PTPRN2: variants seen among roughly 807,000 people sequenced by gnomAD.
PTPRN2 encodes receptor-type tyrosine-protein phosphatase N2.
Under a neutral mutation model 118.8 loss-of-function variants are expected in PTPRN2, and 74 were observed. The ratio of observed to expected loss-of-function variants is 0.62; its 90% CI spans 0.52 to 0.76. PTPRN2 has a LOEUF of 0.76. PTPRN2 is among the 30% of genes least tolerant of loss of function. The pLI, the probability that PTPRN2 is intolerant of heterozygous loss-of-function variation, is 0.00. For synonymous variants in PTPRN2, 641 were observed against 608.0 expected (o/e 1.05, Z -0.80); for missense variants, 1,481 against 1,394.4 (o/e 1.06, Z -0.99).
At chr7:158,301,325 C>T (rs1430771115) in intron 3 of PTPRN2, among the ~76,000 whole-genome samples, 2 of 152,178 alleles carry the variant, frequency 1.3e-5, no homozygotes, top group Non-Finnish European at 2.9e-5. Context: ...GCTCCTGACA[C>T]ACTCCCCTCC....
chr7:158,071,627 C>T (rs1251868293), intron 11 of PTPRN2, among the ~76,000 whole-genome samples: 17 of 86,618 alleles, frequency 2.0e-4, no homozygotes, highest in Admixed American at 4.5e-4. Context: ...TGGAGGTGCT[C>T]GTGGTGGTGG....
At chr7:157,586,964 C>T (rs534858725) in intron 17 of PTPRN2, among the ~76,000 whole-genome samples, 5 of 152,200 alleles carry the variant, frequency 3.3e-5, no homozygotes, top group African/African-American at 1.2e-4. Flanking sequence ...TCTCTGGATG[C>T]TCTGAGGTTT....
intron 5 of PTPRN2, among the ~76,000 whole-genome samples, chr7:158,172,291 G>T (rs532886760): frequency 6.6e-6 from 1 of 152,244 alleles, no homozygotes; most frequent in East Asian, 1.9e-4. Flanking sequence ...TTCTTTAAAA[G>T]CCACTGTGAG....
chr7:157,746,731 C>CAGA (rs529660718), intron 12 of PTPRN2, among the ~76,000 whole-genome samples: 406 of 152,382 alleles, frequency 2.7e-3, no homozygotes, highest in Non-Finnish European at 3.5e-3. Flanking sequence ...GTTTCTAGAG[C>CAGA]AGAAGATGCC....
intron 1 of PTPRN2, among the ~76,000 whole-genome samples, chr7:158,571,588 G>C (rs1828048994): frequency 6.9e-6 from 1 of 145,302 alleles, no homozygotes; most frequent in African/African-American, 2.6e-5. Flanking sequence ...TTTAGAGCAG[G>C]AATGAAAGGA....
At chr7:157,799,216 G>A (rs1332211328) in intron 12 of PTPRN2, among the ~76,000 whole-genome samples, 1 of 152,110 alleles carries the variant, frequency 6.6e-6, no homozygotes, top group Admixed American at 6.5e-5. Flanking sequence ...GAGCGTGGGT[G>A]GGAGGTGCTG....
chr7:157,798,127 C>T (rs763933100), intron 12 of PTPRN2, among the ~76,000 whole-genome samples: 52 of 152,106 alleles, frequency 3.4e-4, no homozygotes, highest in Non-Finnish European at 6.8e-4. Context: ...GGTGTGGTGG[C>T]GCACGCCTGT....
At chr7:157,572,317 T>C (rs985090584) in intron 19 of PTPRN2, among the ~76,000 whole-genome samples, 2 of 152,182 alleles carry the variant, frequency 1.3e-5, no homozygotes, top group African/African-American at 4.8e-5. Flanking sequence ...GAATAAAGCA[T>C]GTGTGAAGGA....
chr7:158,292,483 T>C (rs1365859759), intron 3 of PTPRN2, among the ~76,000 whole-genome samples: 2 of 152,214 alleles, frequency 1.3e-5, no homozygotes, highest in Non-Finnish European at 2.9e-5. Flanking sequence ...AGGTAAGCCA[T>C]GTAGTTTTAA....
intron 3 of PTPRN2, among the ~76,000 whole-genome samples, chr7:158,281,984 A>G (rs1799458679): frequency 6.6e-6 from 1 of 152,172 alleles, no homozygotes; most frequent in South Asian, 2.1e-4. Flanking sequence ...TCTCCCAGAC[A>G]TTTTGGGTCG....
At chr7:157,952,437 G>T (rs1460610275) in intron 11 of PTPRN2, among the ~76,000 whole-genome samples, 1 of 125,904 alleles carries the variant, frequency 7.9e-6, no homozygotes, top group Non-Finnish European at 1.9e-5. Context: ...GACAGGCGAG[G>T]GTGGGTAGTG....
chr7:157,589,968 C>T (rs542879484), intron 17 of PTPRN2, among the ~76,000 whole-genome samples: 29 of 152,322 alleles, frequency 1.9e-4, no homozygotes, highest in Admixed American at 5.2e-4. Context: ...CTCTCACCAC[C>T]CCGGCTGTTT....
At chr7:157,614,311 G>GA (rs1471497704) in intron 15 of PTPRN2, among the ~76,000 whole-genome samples, 1 of 152,032 alleles carries the variant, frequency 6.6e-6, no homozygotes, top group Non-Finnish European at 1.5e-5. Context: ...TCTGGAAGGG[G>GA]GCAGGTGAGC....
At chr7:157,870,739 G>C (rs1408004152) in intron 12 of PTPRN2, among the ~76,000 whole-genome samples, 1 of 152,202 alleles carries the variant, frequency 6.6e-6, no homozygotes, top group East Asian at 1.9e-4. Flanking sequence ...TGAACTCAGA[G>C]TAATGCCTGT....
intron 13 of PTPRN2, among the ~76,000 whole-genome samples, chr7:157,670,180 C>T (rs997219102): frequency 3.3e-5 from 5 of 152,188 alleles, no homozygotes; most frequent in African/African-American, 1.2e-4. Flanking sequence ...GTTTGAATCT[C>T]CTGAAGCCCC....
intron 2 of PTPRN2, among the ~76,000 whole-genome samples, chr7:158,396,511 C>G (rs1812520106): frequency 1.3e-5 from 2 of 151,778 alleles, no homozygotes; most frequent in Admixed American, 1.3e-4. Context: ...AGGGAGCGAG[C>G]TGCTCCCCTC....
At chr7:158,115,801 A>G (rs909415788) in intron 9 of PTPRN2, among the ~76,000 whole-genome samples, 2 of 152,202 alleles carry the variant, frequency 1.3e-5, no homozygotes, top group Non-Finnish European at 2.9e-5. Context: ...AGGACAGAGG[A>G]AAGATCCTGA....
chr7:158,440,110 T>C (rs1378932458), intron 2 of PTPRN2, among the ~76,000 whole-genome samples: 1 of 152,194 alleles, frequency 6.6e-6, no homozygotes, highest in Non-Finnish European at 1.5e-5. Flanking sequence ...AGTGGACATT[T>C]CTCCCAAATT....
chr7:158,300,585 C>CGCCTCGCCCGCCACCCAGTCCCGCAGT (rs1800822514), intron 3 of PTPRN2, among the ~76,000 whole-genome samples: 3 of 152,266 alleles, frequency 2.0e-5, no homozygotes, highest in Admixed American at 6.5e-5. Flanking sequence ...AGTCCCGCAG[C>CGCCTCGCCCGCCACCCAGTCCCGCAGT]GCCTCGCCCC....
Sources: gnomAD v4.1 joint callset for allele counts (sites outside exome capture counted in the v4.1 genomes callset) on GRCh38, gnomAD v4.1.1 for gene constraint, MANE v1.5 for transcripts, NCBI Gene and HGNC (gene_info 2026-07-23, HGNC 2026-07-21) for gene names.